The following PAX9 variants were observed in gnomAD, a reference collection of about 807,000 sequenced individuals.
PAX9 encodes paired box 9.
In PAX9, 6 loss-of-function variants were observed where a neutral mutation model predicts 29.1. The observed-to-expected ratio is 0.21, with a 90% CI of 0.11 to 0.41. The LOEUF (loss-of-function observed/expected upper bound fraction) is 0.41. Among genes scored for constraint, PAX9 ranks in the 10% least tolerant of loss-of-function variants. The probability of loss-of-function intolerance (pLI) is 1.00; values close to 1 mark genes in which losing one functional copy is unlikely to be tolerated. For synonymous variants in PAX9, 217 were observed against 211.7 expected (o/e 1.03, Z -0.22); for missense variants, 443 against 479.1 (o/e 0.92, Z 0.70).
chr14:36,676,248 G>A lies in PAX9; in HGVS notation c.822G>A (p.Met274Ile). The change falls in exon 4 of 4, where the codon ATG becomes ATA. Residue 274 changes from methionine (M) to isoleucine (I), a missense_variant. Physicochemically the swap from Met to Ile is conservative, Grantham distance 10. Coordinates refer to ENST00000361487, the MANE Select transcript of PAX9 (RefSeq NM_001372076.1). ...GCAGTTTTGTGTCAGCATCCAGCAT[G>A]GCTCCTTACCCTACCCCAGCCCAAG... The part of the protein sequence containing the change: ...AVGSFVSASS[M>I]APYPTPAQVS... The A allele has an allele frequency of 6.2e-7, 1 of 1,614,104 alleles. No individual in the cohort carries two copies.
chr14:36,668,005 C>G (rs551236090), intron 3 of PAX9, among the ~76,000 whole-genome samples: 2 of 152,246 alleles, frequency 1.3e-5, no homozygotes, highest in African/African-American at 4.8e-5. Context: ...ATTCCCAACC[C>G]AGAGATGTTA....
rs897290819 is a variant in PAX9, at chr14:36,678,206, T to TC, written c.*1755dup. The stretch of plus-strand genomic sequence containing the variant: ...TCGGTTTCGTGGCTTCGTTTAAAAC[T>TC]CAGATGGCTAGATTAGTTAGGTTTT... On this transcript the variant is annotated 3_prime_UTR_variant, in exon 4 of 4. Coordinates refer to ENST00000361487, the MANE Select transcript of PAX9 (RefSeq NM_001372076.1). 7.6e-5 allele frequency: 37 copies of TC among 487,976 alleles called. No homozygotes were observed. Among genetic ancestry groups the TC allele is most frequent in the African/African-American group, 6.9e-4 (36 of 52,232 alleles). 30.2% of individuals were successfully genotyped at this position (487,976 alleles called of 1,614,324 possible).
intron 3 of PAX9, among the ~76,000 whole-genome samples, chr14:36,668,601 C>T (rs982827803): frequency 6.6e-6 from 1 of 152,108 alleles, no homozygotes; most frequent in Admixed American, 6.5e-5. Context: ...GTTGGCCTGG[C>T]TGGTCTTGAT....
rs762507360 is a variant in PAX9 at position 36,663,481 on chromosome 14, T to TCCGTCA, written c.593_598dup (p.Val198_Thr199dup). ...GCCGCGCACCTGGCCCTCCTCGCAC[T>TCCGTCA]CCGTCACCGACATCCTGGGCATCCG... is the stretch of plus-strand genomic sequence containing the variant. On this transcript the variant is annotated inframe_insertion, in exon 2 of 4. Coordinates refer to ENST00000361487, the MANE Select transcript of PAX9 (RefSeq NM_001372076.1). 174 of 1,612,774 alleles carry TCCGTCA rather than the reference T, an allele frequency of 1.1e-4. 1 individual carries two copies. The highest frequency in any genetic ancestry group is 1.4e-5 in the Non-Finnish European group (17 of 1,179,884).
upstream of PAX9, among the ~76,000 whole-genome samples, chr14:36,661,092 C>T (rs1439985851): frequency 6.6e-6 from 1 of 152,264 alleles, no homozygotes; most frequent in Admixed American, 6.5e-5. Context: ...CCTTGGGCTC[C>T]GTAGTGAGTG....
Position 36,663,069 on chromosome 14 carries a change from A to G in PAX9, c.177A>G (p.Arg59=), listed in dbSNP as rs1222377802. 1 of 1,613,784 alleles carries G rather than the reference A, an allele frequency of 6.2e-7. No homozygotes were observed. The highest frequency in any genetic ancestry group is 8.5e-7 in the Non-Finnish European group (1 of 1,180,034). The part of the protein sequence containing the change: ...SHGCVSKILA[R]YNETGSILPG... Reference sequence around the variant, plus strand: ...GCTGCGTCAGCAAGATCCTGGCGCGATACAACGAGACGGGCTCGATCTTGC... The same window carrying G: ...GCTGCGTCAGCAAGATCCTGGCGCGGTACAACGAGACGGGCTCGATCTTGC... Residue 59 remains arginine, a synonymous_variant, in exon 2 of 4, where the codon CGA becomes CGG. Transcript: ENST00000361487.
rs1489940441 is a variant in PAX9, at chr14:36,663,105, C to A, written c.213C>A (p.Ile71=). The change falls in exon 2 of 4, where the codon ATC becomes ATA. Residue 71 remains isoleucine, a synonymous_variant. Coordinates refer to ENST00000361487, the MANE Select transcript of PAX9 (RefSeq NM_001372076.1). The part of the protein sequence containing the change: ...NETGSILPGA[I]GGSKPRVTTP... ...CGGGCTCGATCTTGCCAGGAGCCAT[C>A]GGGGGCAGCAAGCCCCGGGTCACTA... 8 of 1,613,942 alleles carry A rather than the reference C, an allele frequency of 5.0e-6. No homozygotes were observed. Among genetic ancestry groups the A allele is most frequent in the Non-Finnish European group, 6.8e-6 (8 of 1,180,036 alleles).
In PAX9 at chr14:36,678,430, G is replaced by T; in HGVS notation, c.*1978G>T. The T allele has an allele frequency of 7.2e-7, 1 of 1,385,632 alleles. No homozygotes were observed. Among genetic ancestry groups the T allele is most frequent in the Non-Finnish European group, 9.9e-7 (1 of 1,008,654 alleles). 85.8% of individuals were successfully genotyped at this position (1,385,632 alleles called of 1,614,324 possible). On this transcript the variant is annotated 3_prime_UTR_variant, in exon 4 of 4. Coordinates refer to ENST00000361487, the MANE Select transcript of PAX9 (RefSeq NM_001372076.1). ...CAGAAGGAGCAGATGAACTCTCAGG[G>T]CCATAGTCTTCCTTTGATCTTGTAA...
Position 36,666,548 on chromosome 14 carries a change from G to GCGGTGA in PAX9, c.719_724dup (p.Val241_Asn242insThrVal). 1.3e-6 allele frequency: 2 copies of GCGGTGA among 1,585,438 alleles called. No individual in the cohort carries two copies. Among genetic ancestry groups the GCGGTGA allele is most frequent in the Non-Finnish European group, 1.7e-6 (2 of 1,165,742 alleles). On this transcript the variant is annotated inframe_insertion, in exon 3 of 4. Coordinates refer to ENST00000361487, the MANE Select transcript of PAX9 (RefSeq NM_001372076.1). ...CAACTTCCCCGCCGCCGCCCCGCAC[G>GCGGTGA]CGGTGAACGGGTTGGAGAAGGGAGC... is the stretch of plus-strand genomic sequence containing the variant.
upstream of PAX9, among the ~76,000 whole-genome samples, chr14:36,659,502 C>T (rs531281761): frequency 5.3e-5 from 8 of 152,296 alleles, no homozygotes; most frequent in East Asian, 5.8e-4. Context: ...TTCGGCTTGC[C>T]GCGGATACTT....
At chr14:36,666,645 G>A (rs1383528423) in intron 3 of PAX9, 44 bp downstream of exon 3, 2 of 1,551,168 alleles carry the variant, frequency 1.3e-6, no homozygotes, top group East Asian at 2.4e-5. Flanking sequence ...GTGGCGGCGG[G>A]GATTTAGGCG....
intron 2 of PAX9, among the ~76,000 whole-genome samples, chr14:36,663,800 TC>T (rs1881385096): frequency 6.6e-6 from 1 of 151,534 alleles, no homozygotes; most frequent in Non-Finnish European, 1.5e-5. Flanking sequence ...TTTTCCACCC[TC>T]CCCCGCCTCT....
At position 36,663,175 on chromosome 14, in the gene PAX9, C is replaced by A; in HGVS notation, c.283C>A (p.Pro95Thr). ...KHIRTYKQRD[P>T]GIFAWEIRDR... is the part of the protein sequence containing the mutation. ...CATCCGGACCTACAAGCAGAGAGAC[C>A]CCGGCATCTTCGCCTGGGAGATCCG... Residue 95 changes from proline (P) to threonine (T), a missense_variant, in exon 2 of 4, where the codon CCC becomes ACC. Pro to Thr is a conservative substitution (Grantham distance 38, BLOSUM62 -1). Around this residue, in one of 2 missense-constraint regions of PAX9, gnomAD observed 107 missense variants for 161.9 expected, o/e 0.66. Transcript: ENST00000361487. 6.2e-7 allele frequency: 1 copy of A among 1,614,098 alleles called. No individual in the cohort carries two copies.
upstream of PAX9, chr14:36,661,728 C>T (rs891127809): frequency 1.8e-5 from 7 of 384,480 alleles, no homozygotes; most frequent in Admixed American, 2.6e-4. Context: ...CTGAAAGAGA[C>T]AGCGGAAGGA....
chr14:36,666,245 T>C, intron 2 of PAX9: 1 of 578,134 alleles, frequency 1.7e-6, no homozygotes, highest in Non-Finnish European at 3.0e-6. Flanking sequence ...GTCAGAGAAT[T>C]TGGAAAGGCC....
chr14:36,666,639 C>A (rs746503850), intron 3 of PAX9, 38 bp downstream of exon 3: 15 of 1,552,566 alleles, frequency 9.7e-6, no homozygotes, highest in Admixed American at 2.0e-5. Flanking sequence ...GGCCGCGTGG[C>A]GGCGGGGATT....
chr14:36,666,294 GGAA>G (rs1490097027), intron 2 of PAX9, 165 bp from the exon 3 acceptor site: 9 of 764,540 alleles, frequency 1.2e-5, no homozygotes, highest in African/African-American at 3.5e-5. Flanking sequence ...GCCCTGGGCT[GGAA>G]GCACAGGAGG....
chr14:36,662,001 A>G lies in PAX9; in HGVS notation c.-89A>G, dbSNP rs1881287842. On this transcript the variant is annotated 5_prime_UTR_variant, in exon 1 of 4. Transcript: ENST00000361487. ...GCGGAGGCGCCGGCGGTCGGCCGGG[A>G]TAGCAACAGGCCGGGCCACTGAGGC... 1.3e-6 allele frequency: 2 copies of G among 1,523,376 alleles called. No homozygotes were observed. Among genetic ancestry groups the G allele is most frequent in the Non-Finnish European group, 1.8e-6 (2 of 1,122,864 alleles). The allele number at this position is 1,523,376 out of a possible 1,614,324, so 94.4% of individuals were successfully genotyped here. A position where few individuals can be genotyped will look rare whatever the true frequency, so the allele number is the denominator to read the frequency against.
At chr14:36,668,203 G>A (rs555113119) in intron 3 of PAX9, among the ~76,000 whole-genome samples, 5 of 152,262 alleles carry the variant, frequency 3.3e-5, no homozygotes, top group African/African-American at 9.6e-5. Context: ...TAGAAAGAGT[G>A]TATATAAAGC....
Sources: gnomAD v4.1 joint callset for allele counts (sites outside exome capture counted in the v4.1 genomes callset) on GRCh38, gnomAD v4.1.1 for gene constraint, gnomAD v4.1.1 regional missense constraint, MANE v1.5 for transcripts, NCBI Gene and HGNC (gene_info 2026-07-23, HGNC 2026-07-21) for gene names.